The following ASH1L variants were observed in gnomAD, a reference collection of about 807,000 sequenced individuals.
The protein encoded by ASH1L is histone-lysine N-methyltransferase ASH1L.
ASH1L carries 23 observed loss-of-function variants against 269.0 expected under a neutral mutation model. The observed-to-expected ratio is 0.09, with a 90% CI of 0.06 to 0.12. ASH1L has a LOEUF of 0.12. Among genes scored for constraint, ASH1L ranks in the 10% least tolerant of loss-of-function variants. The pLI is 1.00. For synonymous variants in ASH1L, 1,187 were observed against 1,253.5 expected, an observed-to-expected ratio of 0.95 and a Z score of 1.12; for missense variants, 2,912 against 3,567.8, an observed-to-expected ratio of 0.82 and a Z score of 4.68.
intron 1 of ASH1L, among the ~76,000 whole-genome samples, chr1:155,526,846 A>G (rs1006678391): frequency 6.6e-6 from 1 of 152,170 alleles, no homozygotes; most frequent in African/African-American, 2.4e-5. Context: ...TCCATTTCTC[A>G]TATTTCCTCT....
Position 155,380,188 on chromosome 1 carries a change from C to T in ASH1L, c.6104-72G>A, listed in dbSNP as rs1032742233. 42 of 1,093,230 alleles carry T rather than the reference C, an allele frequency of 3.8e-5. No individual in the cohort carries two copies. In the African/African-American group the frequency reaches 5.2e-4, roughly 14 times the overall value. The allele number at this position is 1,093,230 out of a possible 1,614,324, so 67.7% of individuals were successfully genotyped here. A position where few individuals can be genotyped will look rare whatever the true frequency, so the allele number is the denominator to read the frequency against. ...CTTATACAAAGGTGTCAAACAGCTA[C>T]AAGAACTAACATGTACTGACTAAAA... On this transcript the variant is annotated intron_variant, in intron 7 of 27. Coordinates refer to ENST00000392403, the MANE Select transcript of ASH1L (RefSeq NM_018489.3).
chr1:155,561,209 A>G lies in ASH1L; in HGVS notation c.-100+944T>C, dbSNP rs556635386. 2.2e-3 allele frequency among the ~76,000 whole-genome samples: 342 copies of G among 152,088 alleles called. 1 individual carries two copies. The highest frequency in any genetic ancestry group is 7.6e-3 in the African/African-American group (316 of 41,528). On this transcript the variant is annotated intron_variant, in intron 1 of 27. Transcript: ENST00000392403. ...AAAACTGAAAGAGCTTTCTTATTGT[A>G]TTGTAAACTATTACTATAAACCCGC...
chr1:155,477,800 T>C, intron 3 of ASH1L, 86 bp downstream of exon 3: 1 of 1,312,760 alleles, frequency 7.6e-7, no homozygotes, highest in South Asian at 1.9e-5. Flanking sequence ...GATATATATA[T>C]TAAAAGTTCA....
At chr1:155,370,452 C>T in intron 12 of ASH1L, 52 bp downstream of exon 12, 1 of 1,608,506 alleles carries the variant, frequency 6.2e-7, no homozygotes. Context: ...CCTTGCTGCA[C>T]TCAATGCTTA....
At chr1:155,412,811 G>T (rs548658133) in intron 6 of ASH1L, among the ~76,000 whole-genome samples, 2 of 151,842 alleles carry the variant, frequency 1.3e-5, no homozygotes, top group Admixed American at 1.3e-4. Flanking sequence ...TGACAGAATT[G>T]AATTGAGGAC....
intron 8 of ASH1L, among the ~76,000 whole-genome samples, chr1:155,379,107 A>C (rs943515630): frequency 8.5e-5 from 13 of 152,140 alleles, no homozygotes; most frequent in Non-Finnish European, 1.5e-4. Context: ...AAGAAAAAAA[A>C]AAAGAATGCA....
At chr1:155,428,442 C>CA (rs35203262) in intron 5 of ASH1L, among the ~76,000 whole-genome samples, 84,183 of 145,584 alleles carry the variant, frequency 0.58, 25,593 homozygotes, top group Non-Finnish European at 0.69. Flanking sequence ...AATTCCGTCT[C>CA]AAAAAAAAAA....
intron 12 of ASH1L, among the ~76,000 whole-genome samples, chr1:155,364,832 C>T (rs1210666893): frequency 6.7e-6 from 1 of 150,046 alleles, no homozygotes; most frequent in Non-Finnish European, 1.5e-5. Context: ...GTCTCAGCTA[C>T]TCAGGAGGCT....
At chr1:155,520,504 T>A (rs1439386901) in intron 2 of ASH1L, 1 of 152,298 alleles carries the variant, frequency 6.6e-6, no homozygotes, top group Non-Finnish European at 1.5e-5. Context: ...AAGATTTCTC[T>A]TTTTTCGGTC....
At chr1:155,517,727 A>AT (rs1468644231) in intron 2 of ASH1L, among the ~76,000 whole-genome samples, 1 of 151,766 alleles carries the variant, frequency 6.6e-6, no homozygotes, top group Non-Finnish European at 1.5e-5. Flanking sequence ...AAAGACAGAC[A>AT]TATGGACCAA....
chr1:155,384,701 G>C (rs1300535522), intron 7 of ASH1L, among the ~76,000 whole-genome samples: 1 of 151,930 alleles, frequency 6.6e-6, no homozygotes, highest in African/African-American at 2.4e-5. Context: ...GCCTAAAATT[G>C]TTTTGTTAGT....
intron 4 of ASH1L, among the ~76,000 whole-genome samples, chr1:155,450,382 C>T (rs576769359): frequency 1.3e-3 from 198 of 152,316 alleles, no homozygotes; most frequent in Non-Finnish European, 2.4e-3. Context: ...ATTTCTTCAA[C>T]TGCTATTCCC....
intron 5 of ASH1L, among the ~76,000 whole-genome samples, chr1:155,430,826 T>C (rs892075986): frequency 3.9e-5 from 6 of 152,140 alleles, no homozygotes; most frequent in Non-Finnish European, 1.5e-5. Context: ...GGTTTTGCCA[T>C]TGCCCAAGCT....
intron 8 of ASH1L, among the ~76,000 whole-genome samples, chr1:155,379,828 C>G (rs1258090276): frequency 6.6e-6 from 1 of 152,152 alleles, no homozygotes; most frequent in East Asian, 1.9e-4. Flanking sequence ...CCTAGGAAAG[C>G]AGGAACTTAC....
rs1263651897 is a variant in ASH1L at position 155,481,374 on chromosome 1, G to C, written c.1496C>G (p.Thr499Arg). 3.1e-6 allele frequency: 5 copies of C among 1,614,112 alleles called. No individual in the cohort carries two copies. Among genetic ancestry groups the C allele is most frequent in the Non-Finnish European group, 4.2e-6 (5 of 1,180,004 alleles). The change falls in exon 3 of 28, where the codon ACA becomes AGA. Residue 499 changes from threonine to arginine, a missense_variant. Coordinates refer to ENST00000392403, the MANE Select transcript of ASH1L (RefSeq NM_018489.3). ...NLEKEMFNEG[T>R]CIQQDSFSSS... The stretch of plus-strand genomic sequence containing the variant: ...TGAGAAACTGTCTTGCTGAATGCAT[G>C]TTCCTTCATTAAACATTTCTTTCTC...
rs1306131759 is a variant in ASH1L, at chr1:155,466,004, C to T, written c.4985-6106G>A. ...CAATACATTTTATCTGATGCACCAA[C>T]TAAATGCACTACAAGAGAGTATGAC... On this transcript the variant is annotated intron_variant, in intron 3 of 27. Coordinates refer to ENST00000392403, the MANE Select transcript of ASH1L (RefSeq NM_018489.3). Among the ~76,000 whole-genome samples, 3 of 152,180 alleles carry T rather than the reference C, an allele frequency of 2.0e-5. No homozygotes were observed. The East Asian group carries it at 5.8e-4, about 29-fold the overall frequency.
rs1238373758 is a variant in ASH1L at position 155,370,873 on chromosome 1, T to A, written c.6443A>T (p.Glu2148Val). 1 of 1,614,206 alleles carries A rather than the reference T, an allele frequency of 6.2e-7. No individual in the cohort carries two copies. The highest frequency in any genetic ancestry group is 8.5e-7 in the Non-Finnish European group (1 of 1,180,030). ...WVQCLERFRA[E>V]EKGWGIRTKE... ...GGTTCTGATTCCCCAACCTTTTTCC[T>A]CAGCTCGAAATCGTTCTAGACATTG... is the stretch of plus-strand genomic sequence containing the variant. The change falls in exon 11 of 28, where the codon GAG (glutamate) becomes GTG (valine). Residue 2148 changes from glutamate (E) to valine (V), a missense_variant. Coordinates refer to ENST00000392403, the MANE Select transcript of ASH1L (RefSeq NM_018489.3).
intron 4 of ASH1L, among the ~76,000 whole-genome samples, chr1:155,439,981 C>T (rs1662417975): frequency 6.6e-6 from 1 of 151,346 alleles, no homozygotes; most frequent in African/African-American, 2.4e-5. Context: ...TTATCATCAA[C>T]TCTGGCCTAT....
chr1:155,468,193 G>A (rs1219253202), intron 3 of ASH1L, among the ~76,000 whole-genome samples: 1 of 150,230 alleles, frequency 6.7e-6, no homozygotes, highest in African/African-American at 2.4e-5. Context: ...TTTTAGTACT[G>A]GTCAAGTATT....
Sources: gnomAD v4.1 joint callset for allele counts (sites outside exome capture counted in the v4.1 genomes callset) on GRCh38, gnomAD v4.1.1 for gene constraint, MANE v1.5 for transcripts, NCBI Gene and HGNC (gene_info 2026-07-23, HGNC 2026-07-21) for gene names.